ATF6: variants seen among roughly 807,000 people sequenced by gnomAD.
ATF6 encodes activating transcription factor 6.
In ATF6, 53 loss-of-function variants were observed where a neutral mutation model predicts 83.6. That is an observed-to-expected ratio of 0.63 (90% CI 0.51 to 0.80). ATF6 has a LOEUF of 0.80. Among genes scored for constraint, ATF6 ranks in the 30% least tolerant of loss-of-function variants. The pLI, the probability that ATF6 is intolerant of heterozygous loss-of-function variation, is 0.00. For missense variants in ATF6, 744 were observed against 797.9 expected (o/e 0.93, Z 0.81); for synonymous variants, 288 against 285.8 (o/e 1.01, Z -0.08).
intron 15 of ATF6, among the ~76,000 whole-genome samples, chr1:161,942,655 T>C (rs971124533): frequency 2.0e-5 from 3 of 152,196 alleles, no homozygotes; most frequent in Admixed American, 2.0e-4. Context: ...TTAAGAACTT[T>C]GGAAATATCA....
chr1:161,920,031 C>T lies in ATF6; in HGVS notation c.1804+7651C>T, dbSNP rs563876427. ...AAGGCAAATATATTTGGAAACCGTC[C>T]TATTCATTCTGCTCAAGCAGCCTGG... is the stretch of plus-strand genomic sequence containing the variant. On this transcript the variant is annotated intron_variant, in intron 15 of 15. Transcript: ENST00000367942. 6.6e-5 allele frequency among the ~76,000 whole-genome samples: 10 copies of T among 152,230 alleles called. No individual in the cohort carries two copies. In the East Asian group the frequency reaches 9.6e-4, roughly 15 times the overall value.
Position 161,853,282 on chromosome 1 carries a change from A to G in ATF6, c.1492A>G (p.Arg498Gly), listed in dbSNP as rs1320138973. 1 of 1,613,840 alleles carries G rather than the reference A, an allele frequency of 6.2e-7. No homozygotes were observed. Among genetic ancestry groups the G allele is most frequent in the Non-Finnish European group, 8.5e-7 (1 of 1,179,728 alleles). The change falls in exon 12 of 16, where the codon AGA (arginine) becomes GGA (glycine). Residue 498 changes from arginine (R) to glycine (G), a missense_variant. Transcript: ENST00000367942. ...HRHEVERTKSRRMTNNQQKTR... is the reference protein window; with the variant it reads ...HRHEVERTKSGRMTNNQQKTR... ...ACATGAAGTAGAAAGGACCAAGTCAAGAAGAATGACAAATAATCAACAGAA... is the reference window on the plus strand; with the variant it reads ...ACATGAAGTAGAAAGGACCAAGTCAGGAAGAATGACAAATAATCAACAGAA...
chr1:161,832,437 T>C (rs143274359), intron 9 of ATF6, among the ~76,000 whole-genome samples: 1,941 of 152,170 alleles, frequency 0.013, 44 homozygotes, highest in African/African-American at 0.043. Flanking sequence ...GCACCGTGCA[T>C]GAGCTGAAGC....
chr1:161,891,457 C>A (rs370904840), intron 14 of ATF6: 14 of 152,418 alleles, frequency 9.2e-5, no homozygotes, highest in African/African-American at 3.4e-4. Context: ...GGCTTCTCCA[C>A]CTACTACAAC....
At chr1:161,901,861 A>G (rs1687793674) in intron 14 of ATF6, among the ~76,000 whole-genome samples, 1 of 152,174 alleles carries the variant, frequency 6.6e-6, no homozygotes, top group African/African-American at 2.4e-5. Flanking sequence ...TTTGAATGGA[A>G]CTTGTACCCA....
At chr1:161,781,825 T>G (rs929474131) in intron 2 of ATF6, 87 bp from the exon 3 acceptor site, 121 of 858,548 alleles carry the variant, frequency 1.4e-4, no homozygotes, top group Admixed American at 2.1e-4. Flanking sequence ...AGTTAAATTA[T>G]TTGTGCCAAA....
At chr1:161,894,909 A>G (rs1014460922) in intron 14 of ATF6, among the ~76,000 whole-genome samples, 1 of 151,874 alleles carries the variant, frequency 6.6e-6, no homozygotes, top group Non-Finnish European at 1.5e-5. Flanking sequence ...AGTAGTCTCA[A>G]CCATTAATAG....
At chr1:161,854,229 A>G (rs1206208216) in intron 12 of ATF6, among the ~76,000 whole-genome samples, 2 of 152,118 alleles carry the variant, frequency 1.3e-5, no homozygotes, top group Admixed American at 1.3e-4. Flanking sequence ...ATGGAATAAA[A>G]TTTTTTCACT....
In ATF6 at chr1:161,959,621, G is replaced by T. The variant is rs1013529501; in HGVS notation, c.*967G>T. On this transcript the variant is annotated 3_prime_UTR_variant, in exon 16 of 16. Coordinates refer to ENST00000367942, the MANE Select transcript of ATF6 (RefSeq NM_007348.4). Reference sequence around the variant, plus strand: ...GGAGGCGGAGCTTGCAGTGAGCCGAGATCCCGCCACTGCACTCCAGCCTGG... The same window carrying T: ...GGAGGCGGAGCTTGCAGTGAGCCGATATCCCGCCACTGCACTCCAGCCTGG... 4 of 140,972 alleles carry T rather than the reference G, an allele frequency of 2.8e-5. No individual in the cohort carries two copies. Among genetic ancestry groups the T allele is most frequent in the African/African-American group, 1.1e-4 (4 of 36,700 alleles). 8.7% of individuals were successfully genotyped at this position (140,972 alleles called of 1,614,324 possible). A position where few individuals can be genotyped will look rare whatever the true frequency, so the allele number is the denominator to read the frequency against.
intron 7 of ATF6, among the ~76,000 whole-genome samples, chr1:161,805,671 G>A (rs1305310686): frequency 6.6e-6 from 1 of 152,078 alleles, no homozygotes; most frequent in South Asian, 2.1e-4. Flanking sequence ...AGTATTACAT[G>A]TGTCTGTTAA....
At chr1:161,773,881 C>T (rs1434690827) in intron 1 of ATF6, among the ~76,000 whole-genome samples, 1 of 152,114 alleles carries the variant, frequency 6.6e-6, no homozygotes, top group Non-Finnish European at 1.5e-5. Flanking sequence ...GTATATTTAT[C>T]AACCCACCTT....
At chr1:161,953,887 G>A (rs544227403) in intron 15 of ATF6, among the ~76,000 whole-genome samples, 1 of 152,174 alleles carries the variant, frequency 6.6e-6, no homozygotes, top group South Asian at 2.1e-4. Context: ...ATTTCTAAAA[G>A]TATTTTAACA....
At chr1:161,873,892 T>C (rs6664514) in intron 14 of ATF6, among the ~76,000 whole-genome samples, 21,525 of 151,586 alleles carry the variant, frequency 0.14, 2,090 homozygotes, top group East Asian at 0.31. Flanking sequence ...AATGAATAAA[T>C]GAACAAATTA....
intron 3 of ATF6, among the ~76,000 whole-genome samples, chr1:161,782,800 A>T (rs373565892): frequency 1.1e-4 from 3 of 26,804 alleles, no homozygotes; most frequent in African/African-American, 1.0e-3. Flanking sequence ...TTATCGTTTG[A>T]CAAACTAAAT....
At chr1:161,943,513 G>A (rs998053104) in intron 15 of ATF6, among the ~76,000 whole-genome samples, 6 of 152,124 alleles carry the variant, frequency 3.9e-5, no homozygotes, top group Admixed American at 6.5e-5. Context: ...AGAGTGGTCC[G>A]CTGGTTTCCT....
At chr1:161,886,949 C>T (rs1448629732) in intron 14 of ATF6, among the ~76,000 whole-genome samples, 1 of 152,188 alleles carries the variant, frequency 6.6e-6, no homozygotes, top group Non-Finnish European at 1.5e-5. Flanking sequence ...GACAAAGAGA[C>T]ATTGCAGCAA....
intron 14 of ATF6, among the ~76,000 whole-genome samples, chr1:161,888,262 T>C (rs1161350256): frequency 6.6e-6 from 1 of 152,234 alleles, no homozygotes; most frequent in African/African-American, 2.4e-5. Flanking sequence ...TATTTACTTT[T>C]TGAAAATAGA....
Position 161,819,893 on chromosome 1 carries a change from A to G in ATF6, c.1095+75A>G, listed in dbSNP as rs33998645. On this transcript the variant is annotated intron_variant, in intron 8 of 15. Coordinates refer to ENST00000367942, the MANE Select transcript of ATF6 (RefSeq NM_007348.4). ...GATTAATAAATAGAGAAACTTTTAC[A>G]TTTTAAATTAAATTATGTAAAATAA... The G allele has an allele frequency of 4.7e-5, 60 of 1,278,380 alleles. No homozygotes were observed. In the East Asian group the frequency reaches 1.7e-3, roughly 35 times the overall value. The allele number at this position is 1,278,380 out of a possible 1,614,324, so 79.2% of individuals were successfully genotyped here.
chr1:161,936,733 TATACCTCC>T (rs1688542868), intron 15 of ATF6, among the ~76,000 whole-genome samples: 1 of 152,156 alleles, frequency 6.6e-6, no homozygotes, highest in Non-Finnish European at 1.5e-5. Context: ...AAGGGAAATT[TATACCTCC>T]AAACCCACTC....
Sources: gnomAD v4.1 joint callset for allele counts (sites outside exome capture counted in the v4.1 genomes callset) on GRCh38, gnomAD v4.1.1 for gene constraint, MANE v1.5 for transcripts, NCBI Gene and HGNC (gene_info 2026-07-23, HGNC 2026-07-21) for gene names.